The following CENPE variants were observed in gnomAD, a reference collection of about 807,000 sequenced individuals.
The protein encoded by CENPE is centromere protein E, also known as centromere-associated protein E.
In CENPE, 145 loss-of-function variants were observed where a neutral mutation model predicts 336.1. The observed-to-expected ratio is 0.43, with a 90% CI of 0.38 to 0.50. The LOEUF is 0.50. CENPE is among the 20% of genes least tolerant of loss of function. The pLI is 0.00. For synonymous variants in CENPE, 1,013 were observed against 984.8 expected (o/e 1.03, Z -0.54); for missense variants, 2,719 against 3,023.3 (o/e 0.90, Z 2.36).
intron 46 of CENPE, among the ~76,000 whole-genome samples, chr4:103,113,600 G>A (rs1749799964): frequency 7.1e-6 from 1 of 140,382 alleles, no homozygotes; most frequent in Non-Finnish European, 1.5e-5. Flanking sequence ...TATTACTCAT[G>A]TAAGTAATAA....
chr4:103,169,248 CA>C (rs200163618), intron 16 of CENPE, among the ~76,000 whole-genome samples: 23,563 of 115,698 alleles, frequency 0.2, 2,121 homozygotes, highest in Non-Finnish European at 0.25. Context: ...AGTCAGGAGG[CA>C]AAAAAAAAAA....
At chr4:103,196,127 A>C in intron 3 of CENPE, 36 bp downstream of exon 3, 1 of 1,595,636 alleles carries the variant, frequency 6.3e-7, no homozygotes, top group Non-Finnish European at 8.6e-7. Context: ...GACGCCCAAG[A>C]CTAAAATGTT....
Position 103,161,131 on chromosome 4 carries a change from C to T in CENPE, c.2086G>A (p.Glu696Lys), listed in dbSNP as rs778020736. Residue 696 changes from glutamate to lysine, a missense_variant, in exon 20 of 49, where the codon GAG becomes AAG. Glu to Lys is a moderately conservative substitution (Grantham distance 56, BLOSUM62 1). Transcript: ENST00000265148. The part of the protein sequence containing the change: ...LEKELQSAFN[E>K]ITKLTSLIDG... ...ATAAGGGAGGTGAGTTTTGTTATCTCATTAAAAGCAGATTGTAATTCTTTC... is the reference window on the plus strand; with the variant it reads ...ATAAGGGAGGTGAGTTTTGTTATCTTATTAAAAGCAGATTGTAATTCTTTC... 48 of 1,610,608 alleles carry T rather than the reference C, an allele frequency of 3.0e-5. No homozygotes were observed. The highest frequency in any genetic ancestry group is 2.8e-4 in the South Asian group (25 of 90,270).
chr4:103,163,055 G>A (rs1049148631), intron 18 of CENPE, 82 bp downstream of exon 18: 1 of 1,104,316 alleles, frequency 9.1e-7, no homozygotes. Context: ...GCACAAAGTA[G>A]GTCCAGTATA....
chr4:103,115,686 G>C (rs1348845807), intron 45 of CENPE, among the ~76,000 whole-genome samples: 3 of 151,316 alleles, frequency 2.0e-5, no homozygotes, highest in African/African-American at 7.3e-5. Context: ...GGACCAGAGA[G>C]AATAAACAGT....
In CENPE at chr4:103,194,603, T is replaced by G; in HGVS notation, c.559A>C (p.Lys187Gln). 6.2e-7 allele frequency: 1 copy of G among 1,604,438 alleles called. No homozygotes were observed. Among genetic ancestry groups the G allele is most frequent in the Non-Finnish European group, 8.5e-7 (1 of 1,175,402 alleles). The change falls in exon 6 of 49, where the codon AAG becomes CAG. Residue 187 changes from lysine (K) to glutamine (Q), a missense_variant and splice_region_variant. By Grantham distance (53) the Lys-to-Gln change is moderately conservative. Transcript: ENST00000265148. The part of the protein sequence containing the change: ...MALKWITKGE[K>Q]SRHYGETKMN... ...AAAGAAATACAGCATAAAGTCTTAC[T>G]TTCTCCCTTTGTAATCCATTTCAAA...
At chr4:103,197,233 T>C (rs1248482902) in intron 1 of CENPE, among the ~76,000 whole-genome samples, 8 of 152,244 alleles carry the variant, frequency 5.3e-5, no homozygotes, top group Admixed American at 2.0e-4. Context: ...AATTCCTAGA[T>C]ACATCCTAAG....
Position 103,174,916 on chromosome 4 carries a change from A to G in CENPE, c.1480-13T>C. 1 of 1,408,428 alleles carries G rather than the reference A, an allele frequency of 7.1e-7. No individual in the cohort carries two copies. The highest frequency in any genetic ancestry group is 9.3e-7 in the Non-Finnish European group (1 of 1,074,064). 87.2% of individuals were successfully genotyped at this position (1,408,428 alleles called of 1,614,324 possible). ...TTTCTATATTCTCCTATTATAAACA[A>G]GAACAGATTTTCCAATCAGAAAATT... On this transcript the variant is annotated splice_polypyrimidine_tract_variant and intron_variant, in intron 15 of 48. Coordinates refer to ENST00000265148, the MANE Select transcript of CENPE (RefSeq NM_001813.3).
rs565676871 is a variant in CENPE at position 103,139,475 on chromosome 4, T to A, written c.6204+314A>T. 3.9e-4 allele frequency among the ~76,000 whole-genome samples: 60 copies of A among 152,116 alleles called. 1 individual carries two copies. Among genetic ancestry groups the A allele is most frequent in the Non-Finnish European group, 5.9e-5 (4 of 68,008 alleles). On this transcript the variant is annotated intron_variant, in intron 38 of 48. Transcript: ENST00000265148. ...ATGGGAATATTTGCTCTCTTACAAA[T>A]CTAATCCTTCAAATATTTCTCCATT... is the stretch of plus-strand genomic sequence containing the variant.
intron 13 of CENPE, among the ~76,000 whole-genome samples, chr4:103,177,520 C>T (rs1219928675): frequency 2.0e-5 from 3 of 151,770 alleles, no homozygotes; most frequent in Non-Finnish European, 2.9e-5. Context: ...ATACACAACC[C>T]TAAGGTTGTT....
intron 16 of CENPE, among the ~76,000 whole-genome samples, chr4:103,167,116 C>T (rs936947423): frequency 6.6e-6 from 1 of 152,108 alleles, no homozygotes; most frequent in African/African-American, 2.4e-5. Flanking sequence ...ATTAGCTTCT[C>T]CAGCTATTCT....
At position 103,196,260 on chromosome 4, in the gene CENPE, A is replaced by G; in HGVS notation, c.149-8T>C. ...TACCATGAAAGACACGATCTAAACA[A>G]CAACAACAACAACAACAACACAGAA... On this transcript the variant is annotated splice_polypyrimidine_tract_variant and splice_region_variant and intron_variant, in intron 2 of 48. Coordinates refer to ENST00000265148, the MANE Select transcript of CENPE (RefSeq NM_001813.3). 1 of 1,550,728 alleles carries G rather than the reference A, an allele frequency of 6.4e-7. No individual in the cohort carries two copies. The highest frequency in any genetic ancestry group is 1.1e-5 in the South Asian group (1 of 89,546).
chr4:103,181,651 G>A (rs868741193), intron 11 of CENPE, 195 bp from the exon 12 acceptor site: 16 of 382,968 alleles, frequency 4.2e-5, no homozygotes, highest in Admixed American at 2.6e-4. Context: ...GATAGTCTTC[G>A]GGAGAATAAA....
At chr4:103,183,031 C>T in intron 10 of CENPE, 140 bp from the exon 11 acceptor site, 11 of 950,976 alleles carry the variant, frequency 1.2e-5, no homozygotes, top group Non-Finnish European at 1.5e-5. Context: ...ATTAAAACTA[C>T]TAAAAAATAT....
Position 103,132,911 on chromosome 4 carries a change from A to T in CENPE, c.6721-15T>A. 8.1e-7 allele frequency: 1 copy of T among 1,238,082 alleles called. No individual in the cohort carries two copies. The highest frequency in any genetic ancestry group is 1.1e-6 in the Non-Finnish European group (1 of 927,210). The allele number at this position is 1,238,082 out of a possible 1,614,324, so 76.7% of individuals were successfully genotyped here. On this transcript the variant is annotated splice_polypyrimidine_tract_variant and intron_variant, in intron 41 of 48. Coordinates refer to ENST00000265148, the MANE Select transcript of CENPE (RefSeq NM_001813.3). Reference sequence around the variant, plus strand: ...TTGAGAATTTCCTGTGTGAAAAATAAGCGTCAAATTGTTTAAACATTAGGA... The same window carrying T: ...TTGAGAATTTCCTGTGTGAAAAATATGCGTCAAATTGTTTAAACATTAGGA...
chr4:103,178,807 G>T (rs538209090), intron 13 of CENPE, among the ~76,000 whole-genome samples: 1 of 152,240 alleles, frequency 6.6e-6, no homozygotes, highest in South Asian at 2.1e-4. Context: ...CTGCTTTATG[G>T]ATTCTTCTTT....
rs922354005 is a variant in CENPE, at chr4:103,147,472, T to C, written c.4018A>G (p.Ser1340Gly). 4 of 1,614,002 alleles carry C rather than the reference T, an allele frequency of 2.5e-6. No homozygotes were observed. The highest frequency in any genetic ancestry group is 3.4e-6 in the Non-Finnish European group (4 of 1,180,012). ...GTTAGAGATTTTATCTCTTCCTGAC[T>C]TTCTTGAAATTTTTCATTCAACCTG... ...RLRLNEKFQE[S>G]QEEIKSLTKE... Residue 1340 changes from serine (S) to glycine (G), a missense_variant, in exon 29 of 49, where the codon AGT becomes GGT. This residue lies in a region of CENPE where 2,437 missense variants were observed against 2,513.3 expected (regional missense o/e 0.97). Transcript: ENST00000265148.
At chr4:103,192,061 TA>T (rs144626201) in intron 8 of CENPE, among the ~76,000 whole-genome samples, 1,648 of 152,180 alleles carry the variant, frequency 0.011, 23 homozygotes, top group African/African-American at 0.034. Flanking sequence ...ATTGTTTTTT[TA>T]ATCTCAGAGC....
chr4:103,180,132 T>C (rs1221519598), intron 13 of CENPE, among the ~76,000 whole-genome samples, 179 bp downstream of exon 13: 3 of 152,160 alleles, frequency 2.0e-5, no homozygotes, highest in Non-Finnish European at 4.4e-5. Context: ...TCTCTACAAA[T>C]AGGAATCAGA....
Sources: gnomAD v4.1 joint callset for allele counts (sites outside exome capture counted in the v4.1 genomes callset) on GRCh38, gnomAD v4.1.1 for gene constraint, gnomAD v4.1.1 regional missense constraint, MANE v1.5 for transcripts, NCBI Gene and HGNC (gene_info 2026-07-23, HGNC 2026-07-21) for gene names.